The following JCHAIN variants were observed in gnomAD, a reference collection of about 807,000 sequenced individuals.
The protein encoded by JCHAIN is joining chain of multimeric IgA and IgM, also known as immunoglobulin J chain.
Under a neutral mutation model 11.1 loss-of-function variants are expected in JCHAIN, and 5 were observed. The ratio of observed to expected loss-of-function variants is 0.45; its 90% CI spans 0.24 to 0.95. JCHAIN has a LOEUF of 0.95. JCHAIN is among the 40% of genes least tolerant of loss of function. The pLI, the probability that JCHAIN is intolerant of heterozygous loss-of-function variation, is 0.21. For synonymous variants in JCHAIN, 51 were observed against 67.8 expected (o/e 0.75, Z 1.22); for missense variants, 165 against 192.7 (o/e 0.86, Z 0.85).
At chr4:70,660,289 G>A (rs1739029238) in intron 2 of JCHAIN, among the ~76,000 whole-genome samples, 1 of 152,158 alleles carries the variant, frequency 6.6e-6, no homozygotes, top group South Asian at 2.1e-4. Flanking sequence ...TAGGCTAAGA[G>A]GGGTGGGACA....
rs572144412 is a variant in JCHAIN at position 70,661,474 on chromosome 4, C to A, written c.188+618G>T. On this transcript the variant is annotated intron_variant, in intron 2 of 3. Transcript: ENST00000254801. ...AGTTTCAGTTTGAACTGATCAAAGGCAACTGAAAGTTCTGATTCAAATTGA... is the reference window on the plus strand; with the variant it reads ...AGTTTCAGTTTGAACTGATCAAAGGAAACTGAAAGTTCTGATTCAAATTGA... 5.9e-5 allele frequency among the ~76,000 whole-genome samples: 9 copies of A among 152,256 alleles called. No individual in the cohort carries two copies. In the South Asian group the frequency reaches 1.9e-3, roughly 32 times the overall value.
intron 2 of JCHAIN, among the ~76,000 whole-genome samples, chr4:70,661,510 C>T (rs1046756569): frequency 5.9e-5 from 9 of 152,150 alleles, no homozygotes; most frequent in African/African-American, 2.2e-4. Context: ...AATAACTTGG[C>T]CAGGCGTGGT....
Position 70,655,671 on chromosome 4 carries a change from G to A in JCHAIN, c.*658C>T, listed in dbSNP as rs1390868198. 6.6e-6 allele frequency: 1 copy of A among 151,786 alleles called. No homozygotes were observed. The allele number at this position is 151,786 out of a possible 1,614,324, so 9.4% of individuals were successfully genotyped here. The stretch of plus-strand genomic sequence containing the variant: ...CAATTTCTTACACTAACCTGATTAT[G>A]AAAAAAAGAAGTCTGTATCATCTGC... On this transcript the variant is annotated 3_prime_UTR_variant, in exon 4 of 4. Coordinates refer to ENST00000254801, the MANE Select transcript of JCHAIN (RefSeq NM_144646.4).
At chr4:70,658,289 C>A (rs1738993818) in intron 2 of JCHAIN, among the ~76,000 whole-genome samples, 1 of 152,176 alleles carries the variant, frequency 6.6e-6, no homozygotes, top group African/African-American at 2.4e-5. Context: ...AAACCACTGG[C>A]CACATTATTG....
chr4:70,659,287 C>A (rs1490304284), intron 2 of JCHAIN, among the ~76,000 whole-genome samples: 1 of 151,764 alleles, frequency 6.6e-6, no homozygotes, highest in African/African-American at 2.4e-5. Context: ...TGGTGGCTCA[C>A]GCCTGTAATC....
chr4:70,661,651 G>A (rs942526516), intron 2 of JCHAIN, among the ~76,000 whole-genome samples: 3 of 152,104 alleles, frequency 2.0e-5, no homozygotes, highest in Non-Finnish European at 4.4e-5. Context: ...TTATCCAGGT[G>A]TGGGGTGGTG....
chr4:70,664,345 A>G (rs1233646397), intron 1 of JCHAIN, among the ~76,000 whole-genome samples: 2 of 152,014 alleles, frequency 1.3e-5, no homozygotes, highest in African/African-American at 4.8e-5. Context: ...AAAAAAAAAC[A>G]TTTAGTATAC....
chr4:70,656,261 G>T lies in JCHAIN; in HGVS notation c.*68C>A, dbSNP rs1419757772. ...TTTCAAATTCATTGGTAATAAATAT[G>T]CTAACTTTCTGAATCAAAATGGAGA... On this transcript the variant is annotated 3_prime_UTR_variant, in exon 4 of 4. Coordinates refer to ENST00000254801, the MANE Select transcript of JCHAIN (RefSeq NM_144646.4). 2.7e-6 allele frequency: 3 copies of T among 1,102,452 alleles called. No homozygotes were observed. Among genetic ancestry groups the T allele is most frequent in the East Asian group, 4.9e-5 (2 of 41,212 alleles). The allele number at this position is 1,102,452 out of a possible 1,614,324, so 68.3% of individuals were successfully genotyped here.
rs1388764720 is a variant in JCHAIN at position 70,660,595 on chromosome 4, G to A, written c.188+1497C>T. Among the ~76,000 whole-genome samples the A allele has an allele frequency of 2.6e-5, 4 of 152,150 alleles. No homozygotes were observed. In the East Asian group the frequency reaches 5.8e-4, roughly 22 times the overall value. The stretch of plus-strand genomic sequence containing the variant: ...GACGGGGTTTCACCATGTTGGCCAG[G>A]CTCGTCTCAAACTCCTAACCTCAGG... On this transcript the variant is annotated intron_variant, in intron 2 of 3. Transcript: ENST00000254801.
chr4:70,656,699 T>A (rs190706223), intron 3 of JCHAIN, among the ~76,000 whole-genome samples, 160 bp from the exon 4 acceptor site: 2 of 152,312 alleles, frequency 1.3e-5, no homozygotes, highest in Admixed American at 1.3e-4. Flanking sequence ...GAATAGCTTA[T>A]GGGATTTTCC....
In JCHAIN at chr4:70,666,426, C is replaced by A. The variant is rs112770439; in HGVS notation, c.64+1G>T. 3.1e-6 allele frequency: 5 copies of A among 1,600,976 alleles called. No homozygotes were observed. The highest frequency in any genetic ancestry group is 4.3e-6 in the Non-Finnish European group (5 of 1,168,188). On this transcript the variant is annotated splice_donor_variant, in intron 1 of 3. Transcript: ENST00000254801. LOFTEE classifies it high-confidence loss of function. Reference sequence around the variant, plus strand: ...GGGATCATTTTCTAAATATCACATACCTTTCACATGAACAGCCTTAATAAA... The same window carrying A: ...GGGATCATTTTCTAAATATCACATAACTTTCACATGAACAGCCTTAATAAA...
intron 1 of JCHAIN, among the ~76,000 whole-genome samples, chr4:70,662,948 G>C (rs572086032): frequency 1.3e-5 from 2 of 149,070 alleles, no homozygotes; most frequent in Non-Finnish European, 3.0e-5. Flanking sequence ...AACAGAGTGA[G>C]ACTTCATCTC....
At position 70,656,184 on chromosome 4, in the gene JCHAIN, T is replaced by G. The variant is rs1016028282; in HGVS notation, c.*145A>C. The G allele has an allele frequency of 1.2e-4, 74 of 612,434 alleles. No individual in the cohort carries two copies. Among genetic ancestry groups the G allele is most frequent in the Non-Finnish European group, 2.1e-4 (70 of 339,812 alleles). The allele number at this position is 612,434 out of a possible 1,614,324, so 37.9% of individuals were successfully genotyped here. The stretch of plus-strand genomic sequence containing the variant: ...TAACAATGTGACTATTTTAATTATT[T>G]TGGTGGCAGGGAGTTGGTTTTACAT... On this transcript the variant is annotated 3_prime_UTR_variant, in exon 4 of 4. Transcript: ENST00000254801.
At chr4:70,661,471 A>G (rs58115679) in intron 2 of JCHAIN, among the ~76,000 whole-genome samples, 3,440 of 152,282 alleles carry the variant, frequency 0.023, 116 homozygotes, top group African/African-American at 0.073. Context: ...AACTGATCAA[A>G]GGCAACTGAA....
chr4:70,661,458 T>A (rs115651637), intron 2 of JCHAIN, among the ~76,000 whole-genome samples: 1 of 152,194 alleles, frequency 6.6e-6, no homozygotes, highest in South Asian at 2.1e-4. Flanking sequence ...AAGTTTCAGT[T>A]TGAACTGATC....
At chr4:70,666,332 C>T in intron 1 of JCHAIN, 95 bp downstream of exon 1, 2 of 812,970 alleles carry the variant, frequency 2.5e-6, no homozygotes, top group Non-Finnish European at 4.0e-6. Context: ...GGCTAACTGG[C>T]CAACCAAAGC....
At position 70,656,040 on chromosome 4, in the gene JCHAIN, T is replaced by C. The variant is rs1327451388; in HGVS notation, c.*289A>G. ...TTTATTTTCTCCCCTTGTTTATTTG[T>C]TTAATGCTAGAAACTGTATTCCTAA... On this transcript the variant is annotated 3_prime_UTR_variant, in exon 4 of 4. Transcript: ENST00000254801. 4.1e-6 allele frequency: 1 copy of C among 246,460 alleles called. No individual in the cohort carries two copies. Among genetic ancestry groups the C allele is most frequent in the Non-Finnish European group, 7.7e-6 (1 of 130,300 alleles). The allele number at this position is 246,460 out of a possible 1,614,324, so 15.3% of individuals were successfully genotyped here.
chr4:70,659,898 C>T (rs1192248709), intron 2 of JCHAIN, among the ~76,000 whole-genome samples: 1 of 151,828 alleles, frequency 6.6e-6, no homozygotes, highest in Non-Finnish European at 1.5e-5. Flanking sequence ...ATAATAATAC[C>T]ATAATGGCAC....
Position 70,665,329 on chromosome 4 carries a change from A to G in JCHAIN, c.64+1098T>C, listed in dbSNP as rs1307439825. Among the ~76,000 whole-genome samples the G allele has an allele frequency of 2.0e-5, 3 of 152,170 alleles. No homozygotes were observed. The East Asian group carries it at 5.8e-4, about 29-fold the overall frequency. ...AGAAGTAATAATAGTATTTATTCTC[A>G]TATGGTTACTGAGAGAATTAAATGG... On this transcript the variant is annotated intron_variant, in intron 1 of 3. Coordinates refer to ENST00000254801, the MANE Select transcript of JCHAIN (RefSeq NM_144646.4).
Sources: allele counts gnomAD v4.1 joint callset (sites outside exome capture counted in the v4.1 genomes callset), GRCh38; gene constraint gnomAD v4.1.1; transcripts MANE v1.5; gene names NCBI Gene and HGNC (gene_info 2026-07-23, HGNC 2026-07-21).